The following PPP4R4 variants were observed in gnomAD, a reference collection of about 807,000 sequenced individuals.
PPP4R4 encodes protein phosphatase 4 regulatory subunit 4, also known as serine/threonine-protein phosphatase 4 regulatory subunit 4.
A neutral mutation model predicts 121.8 loss-of-function variants in PPP4R4; 70 were observed. That is an observed-to-expected ratio of 0.57 (90% confidence interval 0.47 to 0.70). The LOEUF (loss-of-function observed/expected upper bound fraction) is 0.70, where lower values mean the gene tolerates loss of function less well. Among genes scored for constraint, PPP4R4 ranks in the 30% least tolerant of loss-of-function variants. PPP4R4 has a pLI of 0.00. For synonymous variants in PPP4R4, 348 were observed against 355.7 expected (o/e 0.98, Z 0.24); for missense variants, 875 against 1,033.6 (o/e 0.85, Z 2.10).
At chr14:94,268,181 T>C (rs1344101634) in intron 23 of PPP4R4, among the ~76,000 whole-genome samples, 1 of 152,072 alleles carries the variant, frequency 6.6e-6, no homozygotes, top group Admixed American at 6.5e-5. Flanking sequence ...AAATATAGAG[T>C]GCCTTTAAAA....
rs532060675 is a variant in PPP4R4, at chr14:94,207,636, C to T, written c.192-828C>T. ...TATTTAAATTGGTGTCAGTTAAGAA[C>T]AGGTGGAATTTCCCTCTGAGGTGAT... On this transcript the variant is annotated intron_variant, in intron 2 of 24. Coordinates refer to ENST00000304338, the MANE Select transcript of PPP4R4 (RefSeq NM_058237.2). Among the ~76,000 whole-genome samples the T allele has an allele frequency of 9.1e-4, 138 of 151,788 alleles. 1 individual carries two copies. Among genetic ancestry groups the T allele is most frequent in the African/African-American group, 3.2e-3 (133 of 41,486 alleles).
intron 19 of PPP4R4, among the ~76,000 whole-genome samples, chr14:94,259,641 A>G (rs1411584516): frequency 6.6e-6 from 1 of 152,206 alleles, no homozygotes. Flanking sequence ...TATCGATGAA[A>G]CCATCACCAC....
At chr14:94,206,645 T>A in intron 2 of PPP4R4, among the ~76,000 whole-genome samples, 1 of 152,056 alleles carries the variant, frequency 6.6e-6, no homozygotes, top group East Asian at 1.9e-4. Context: ...GAACATTCAA[T>A]ATTTAATGTT....
rs1194800333 is a variant in PPP4R4, at chr14:94,230,599, G to A, written c.307G>A (p.Val103Ile). 1.9e-6 allele frequency: 3 copies of A among 1,611,268 alleles called. No homozygotes were observed. The highest frequency in any genetic ancestry group is 2.5e-6 in the Non-Finnish European group (3 of 1,177,706). ...VLPKVREALH[V>I]AGVEMQLTAA... ...TCTGATTATACAGGAAGCCCTGCAT[G>A]TTGCAGGAGTGGAAATGCAGTTAAC... The change falls in exon 4 of 25, where the codon GTT (valine) becomes ATT (isoleucine). Residue 103 changes from valine to isoleucine, a missense_variant. Coordinates refer to ENST00000304338, the MANE Select transcript of PPP4R4 (RefSeq NM_058237.2).
intron 3 of PPP4R4, among the ~76,000 whole-genome samples, chr14:94,218,212 G>A (rs1474470915): frequency 2.6e-5 from 4 of 152,034 alleles, no homozygotes; most frequent in African/African-American, 9.7e-5. Flanking sequence ...ATATGCAATC[G>A]GCATCTCAGA....
At chr14:94,259,212 A>G in intron 18 of PPP4R4, 83 bp from the exon 19 acceptor site, 3 of 1,517,296 alleles carry the variant, frequency 2.0e-6, no homozygotes, top group Admixed American at 2.4e-5. Flanking sequence ...GTCAAACCAT[A>G]TCATTTATAT....
At chr14:94,266,068 T>C (rs1361736286) in intron 22 of PPP4R4, among the ~76,000 whole-genome samples, 181 bp downstream of exon 22, 1 of 152,084 alleles carries the variant, frequency 6.6e-6, no homozygotes, top group African/African-American at 2.4e-5. Context: ...CTCCAACAAT[T>C]TTCACAAAAA....
chr14:94,174,695 C>G, intron 1 of PPP4R4, 113 bp downstream of exon 1: 6 of 1,463,426 alleles, frequency 4.1e-6, no homozygotes, highest in Non-Finnish European at 5.4e-6. Context: ...GCCGCCGGGA[C>G]CCTCTCAGTC....
At chr14:94,196,725 T>C (rs1051444509) in intron 2 of PPP4R4, among the ~76,000 whole-genome samples, 8 of 152,148 alleles carry the variant, frequency 5.3e-5, no homozygotes, top group Non-Finnish European at 1.0e-4. Flanking sequence ...TTTTGAAATA[T>C]TTTCTTCTAA....
chr14:94,247,910 C>T (rs1003890886), intron 14 of PPP4R4, among the ~76,000 whole-genome samples: 1 of 152,106 alleles, frequency 6.6e-6, no homozygotes, highest in African/African-American at 2.4e-5. Flanking sequence ...AAGGAACATA[C>T]CTCAAAATAA....
At chr14:94,264,546 A>T (rs2896267) in intron 19 of PPP4R4, among the ~76,000 whole-genome samples, 1 of 152,016 alleles carries the variant, frequency 6.6e-6, no homozygotes, top group African/African-American at 2.4e-5. Flanking sequence ...TTATTTAGCC[A>T]TTTACCAATC....
At chr14:94,273,026 A>G (rs1894423671) in intron 23 of PPP4R4, among the ~76,000 whole-genome samples, 1 of 152,212 alleles carries the variant, frequency 6.6e-6, no homozygotes, top group South Asian at 2.1e-4. Context: ...GGGAACTCTC[A>G]TTCATTGCTG....
chr14:94,185,011 A>T (rs1889191790), intron 2 of PPP4R4, among the ~76,000 whole-genome samples: 1 of 152,228 alleles, frequency 6.6e-6, no homozygotes. Flanking sequence ...AGTTTAAGGA[A>T]GCAAATGCAT....
intron 2 of PPP4R4, among the ~76,000 whole-genome samples, chr14:94,187,023 T>C (rs918898715): frequency 7.2e-5 from 11 of 152,184 alleles, no homozygotes; most frequent in African/African-American, 2.4e-4. Context: ...CTTTGAAATA[T>C]ACTTTGTTAG....
At chr14:94,214,856 C>T (rs900776186) in intron 3 of PPP4R4, among the ~76,000 whole-genome samples, 3 of 152,008 alleles carry the variant, frequency 2.0e-5, no homozygotes, top group Non-Finnish European at 2.9e-5. Context: ...TGACCTCATG[C>T]GATGAGGTGC....
At chr14:94,240,571 CAT>C in intron 8 of PPP4R4, 100 bp from the exon 9 acceptor site, 1 of 1,279,214 alleles carries the variant, frequency 7.8e-7, no homozygotes, top group South Asian at 1.5e-5. Context: ...ATGAGGCTAA[CAT>C]AGTAATTTTT....
intron 8 of PPP4R4, among the ~76,000 whole-genome samples, chr14:94,240,253 T>A (rs756214392): frequency 3.3e-5 from 5 of 152,182 alleles, no homozygotes; most frequent in Non-Finnish European, 5.9e-5. Context: ...AATGAAATGA[T>A]AAAATGGGCT....
chr14:94,187,409 G>C (rs4430677), intron 2 of PPP4R4, among the ~76,000 whole-genome samples: 93,531 of 152,046 alleles, frequency 0.62, 31,190 homozygotes, highest in Non-Finnish European at 0.75. Flanking sequence ...ATCTTTTTCT[G>C]TCCTTTTAAT....
intron 23 of PPP4R4, among the ~76,000 whole-genome samples, chr14:94,274,694 C>T (rs1894539310): frequency 6.6e-6 from 1 of 152,114 alleles, no homozygotes; most frequent in Non-Finnish European, 1.5e-5. Flanking sequence ...GCAGAAATGT[C>T]AGGAAAGAAA....
Sources: allele counts gnomAD v4.1 joint callset (sites outside exome capture counted in the v4.1 genomes callset), GRCh38; gene constraint gnomAD v4.1.1; transcripts MANE v1.5; gene names NCBI Gene and HGNC (gene_info 2026-07-23, HGNC 2026-07-21).